The following DUSP19 variants were observed in gnomAD, a reference collection of about 807,000 sequenced individuals.
DUSP19 encodes the protein dual specificity phosphatase 19, also known as dual specificity protein phosphatase 19.
Under a neutral mutation model 16.6 loss-of-function variants are expected in DUSP19, and 14 were observed. The ratio of observed to expected loss-of-function variants is 0.84; its 90% CI spans 0.56 to 1.32. The LOEUF (loss-of-function observed/expected upper bound fraction) is 1.32. Among genes scored for constraint, DUSP19 ranks in the 40% most tolerant of loss-of-function variants. The pLI is 0.00. For synonymous variants in DUSP19, 81 were observed against 90.5 expected (o/e 0.90, Z 0.59); for missense variants, 258 against 255.9 (o/e 1.01, Z -0.06).
At chr2:183,086,036 C>G (rs1699657802) in intron 2 of DUSP19, among the ~76,000 whole-genome samples, 1 of 151,362 alleles carries the variant, frequency 6.6e-6, no homozygotes, top group African/African-American at 2.4e-5. Context: ...TTGGTGGACT[C>G]TAGGAAAAGG....
In DUSP19 at chr2:183,083,451, AT is replaced by A. The variant is rs536427163; in HGVS notation, c.227-56del. On this transcript the variant is annotated intron_variant, in intron 1 of 3. Coordinates refer to ENST00000354221, the MANE Select transcript of DUSP19 (RefSeq NM_080876.4). ...TAACAGAATTGCTGTAGAAATTTAT[AT>A]AAAAGTTCAAGATGATTATATTTGT... is the stretch of plus-strand genomic sequence containing the variant. The A allele has an allele frequency of 6.5e-5, 96 of 1,467,656 alleles. No individual in the cohort carries two copies. The African/African-American group carries it at 1.3e-3, about 19-fold the overall frequency. 90.9% of individuals were successfully genotyped at this position (1,467,656 alleles called of 1,614,324 possible).
At chr2:183,083,675 A>C in intron 2 of DUSP19, 121 bp downstream of exon 2, 1 of 719,434 alleles carries the variant, frequency 1.4e-6, no homozygotes, top group Non-Finnish European at 2.1e-6. Context: ...CATTTTGGCT[A>C]TCATTTCAAT....
At chr2:183,092,904 A>C (rs1000831352) in intron 3 of DUSP19, among the ~76,000 whole-genome samples, 1 of 151,810 alleles carries the variant, frequency 6.6e-6, no homozygotes, top group African/African-American at 2.4e-5. Context: ...GGGTTTCACC[A>C]TGTTGGCCAG....
intron 1 of DUSP19, among the ~76,000 whole-genome samples, chr2:183,081,225 A>G (rs1466636392): frequency 3.3e-5 from 5 of 152,200 alleles, no homozygotes; most frequent in Admixed American, 2.0e-4. Flanking sequence ...TGAACATTAT[A>G]TATAGACAGA....
rs1699619246 is a variant in DUSP19, at chr2:183,083,423, T to A, written c.227-85T>A. The A allele has an allele frequency of 6.1e-6, 8 of 1,301,078 alleles. 1 individual carries two copies. In the South Asian group the frequency reaches 9.7e-5, roughly 16 times the overall value. 80.6% of individuals were successfully genotyped at this position (1,301,078 alleles called of 1,614,324 possible). A position where few individuals can be genotyped will look rare whatever the true frequency, so the allele number is the denominator to read the frequency against. On this transcript the variant is annotated intron_variant, in intron 1 of 3. Coordinates refer to ENST00000354221, the MANE Select transcript of DUSP19 (RefSeq NM_080876.4). ...TTCCAAGTTGTTGGTCTTTTTTTTT[T>A]AATAACAGAATTGCTGTAGAAATTT... is the stretch of plus-strand genomic sequence containing the variant.
intron 1 of DUSP19, among the ~76,000 whole-genome samples, chr2:183,082,419 CTTTTTT>C (rs71008260): frequency 3.5e-5 from 3 of 84,828 alleles, no homozygotes; most frequent in African/African-American, 1.4e-4. Flanking sequence ...GAACATTTTT[CTTTTTT>C]TTTTTTTTTT....
intron 1 of DUSP19, among the ~76,000 whole-genome samples, chr2:183,081,621 G>C (rs1699593382): frequency 1.3e-5 from 2 of 151,968 alleles, no homozygotes; most frequent in Admixed American, 6.5e-5. Flanking sequence ...TTAGAAAACA[G>C]AATTTTAAAA....
rs1699846112 is a variant in DUSP19, at chr2:183,099,468, C to T, written c.*3810C>T. 6.6e-6 allele frequency: 1 copy of T among 152,128 alleles called. No homozygotes were observed. The highest frequency in any genetic ancestry group is 6.6e-5 in the Admixed American group (1 of 15,262). The allele number at this position is 152,128 out of a possible 1,614,324, so 9.4% of individuals were successfully genotyped here. On this transcript the variant is annotated 3_prime_UTR_variant, in exon 4 of 4. Transcript: ENST00000354221. Reference sequence around the variant, plus strand: ...ATAAAATGACATTATAATCAACAAACTTATGGTTTGTTTCAATTGATGCAC... The same window carrying T: ...ATAAAATGACATTATAATCAACAAATTTATGGTTTGTTTCAATTGATGCAC...
intron 2 of DUSP19, among the ~76,000 whole-genome samples, chr2:183,086,565 G>A (rs988985303): frequency 4.0e-5 from 6 of 151,528 alleles, no homozygotes; most frequent in Non-Finnish European, 8.8e-5. Context: ...CCAGCACTGT[G>A]GGAGGCGGAA....
intron 2 of DUSP19, among the ~76,000 whole-genome samples, chr2:183,084,122 AC>A (rs1699629521): frequency 6.6e-6 from 1 of 152,168 alleles, no homozygotes; most frequent in Admixed American, 6.5e-5. Context: ...CAGCTACCGA[AC>A]AGCGTTTGTG....
intron 1 of DUSP19, among the ~76,000 whole-genome samples, chr2:183,082,231 T>G (rs1699600876): frequency 6.6e-6 from 1 of 152,096 alleles, no homozygotes; most frequent in South Asian, 2.1e-4. Flanking sequence ...TAAAGAGATG[T>G]TTATTGTAAA....
Position 183,095,407 on chromosome 2 carries a change from TTTTG to T in DUSP19, c.427-16_427-13del, listed in dbSNP as rs1699784566. On this transcript the variant is annotated intron_variant, in intron 3 of 3. Coordinates refer to ENST00000354221, the MANE Select transcript of DUSP19 (RefSeq NM_080876.4). ...CCTTTCTCAAATGAATAATGAAGATTTTTGTTTGTTTTTTTTTTTGTAGGATGGA... is the reference window on the plus strand; with the variant it reads ...CCTTTCTCAAATGAATAATGAAGATTTTTGTTTTTTTTTTTGTAGGATGGA... 3.2e-6 allele frequency: 5 copies of T among 1,553,758 alleles called. No individual in the cohort carries two copies. Among genetic ancestry groups the T allele is most frequent in the Middle Eastern group, 1.7e-4 (1 of 5,796 alleles).
At chr2:183,085,726 G>C in intron 2 of DUSP19, among the ~76,000 whole-genome samples, 1 of 151,954 alleles carries the variant, frequency 6.6e-6, no homozygotes, top group Non-Finnish European at 1.5e-5. Context: ...TGCCAAGAAA[G>C]TAGGAAGCAC....
rs755206837 is a variant in DUSP19 at position 183,096,914 on chromosome 2, C to T, written c.*1256C>T. On this transcript the variant is annotated 3_prime_UTR_variant, in exon 4 of 4. Transcript: ENST00000354221. ...TAGGTTCTTTTTTCTTTAATGTCTCCGTATTTGAAGAACTGAGCTCTGTAC... is the reference window on the plus strand; with the variant it reads ...TAGGTTCTTTTTTCTTTAATGTCTCTGTATTTGAAGAACTGAGCTCTGTAC... 8 of 151,988 alleles carry T rather than the reference C, an allele frequency of 5.3e-5. No homozygotes were observed. The highest frequency in any genetic ancestry group is 8.8e-5 in the Non-Finnish European group (6 of 67,934). 9.4% of individuals were successfully genotyped at this position (151,988 alleles called of 1,614,324 possible).
chr2:183,085,488 A>C (rs919357559), intron 2 of DUSP19, among the ~76,000 whole-genome samples: 7 of 152,290 alleles, frequency 4.6e-5, no homozygotes, highest in African/African-American at 1.7e-4. Context: ...ACTTGGTGAC[A>C]GAGAGGTTGT....
intron 3 of DUSP19, among the ~76,000 whole-genome samples, chr2:183,090,701 G>A (rs1699721261): frequency 6.6e-6 from 1 of 152,106 alleles, no homozygotes; most frequent in Non-Finnish European, 1.5e-5. Context: ...TTTATAGCCT[G>A]CCTTTTTTTT....
chr2:183,099,604 T>G lies in DUSP19; in HGVS notation c.*3946T>G, dbSNP rs1699848729. On this transcript the variant is annotated 3_prime_UTR_variant, in exon 4 of 4. Coordinates refer to ENST00000354221, the MANE Select transcript of DUSP19 (RefSeq NM_080876.4). ...TATTGTTTCTAGGTGTTGATATACT[T>G]TAATAAAAATGATATGTTTAATATT... 1 of 152,238 alleles carries G rather than the reference T, an allele frequency of 6.6e-6. No homozygotes were observed. Among genetic ancestry groups the G allele is most frequent in the Admixed American group, 6.5e-5 (1 of 15,280 alleles). 9.4% of individuals were successfully genotyped at this position (152,238 alleles called of 1,614,324 possible).
intron 1 of DUSP19, among the ~76,000 whole-genome samples, chr2:183,080,400 A>G (rs996151424): frequency 1.3e-5 from 2 of 152,234 alleles, no homozygotes; most frequent in African/African-American, 2.4e-5. Context: ...AAATTCACCA[A>G]ATAAATGTCT....
chr2:183,090,135 A>G (rs1038367498), intron 3 of DUSP19, among the ~76,000 whole-genome samples: 1 of 152,218 alleles, frequency 6.6e-6, no homozygotes, highest in African/African-American at 2.4e-5. Flanking sequence ...TTTTTTAAGA[A>G]AAGATCTCTT....
Sources: gnomAD v4.1 joint callset for allele counts (sites outside exome capture counted in the v4.1 genomes callset) on GRCh38, gnomAD v4.1.1 for gene constraint, MANE v1.5 for transcripts, NCBI Gene and HGNC (gene_info 2026-07-23, HGNC 2026-07-21) for gene names.